Variants in CNTNAP2 observed in about 807,000 individuals in gnomAD.
The protein encoded by CNTNAP2 is contactin-associated protein-like 2.
In CNTNAP2, 98 loss-of-function variants were observed where a neutral mutation model predicts 155.2. The observed-to-expected ratio is 0.63, with a 90% CI of 0.54 to 0.75. The LOEUF (loss-of-function observed/expected upper bound fraction) is 0.75. CNTNAP2 is among the 30% of genes least tolerant of loss of function. The pLI, the probability that CNTNAP2 is intolerant of heterozygous loss-of-function variation, is 0.00. For missense variants in CNTNAP2, 1,727 were observed against 1,688.1 expected, an observed-to-expected ratio of 1.02 and a Z score of -0.40; for synonymous variants, 651 against 631.2, an observed-to-expected ratio of 1.03 and a Z score of -0.47.
intron 18 of CNTNAP2, among the ~76,000 whole-genome samples, chr7:148,172,803 G>T (rs953953289): frequency 3.3e-5 from 5 of 152,082 alleles, no homozygotes; most frequent in African/African-American, 1.2e-4. Context: ...GGGGAATCAG[G>T]CCTGACCCTC....
intron 13 of CNTNAP2, among the ~76,000 whole-genome samples, chr7:147,869,407 G>A (rs556631628): frequency 6.6e-6 from 1 of 152,230 alleles, no homozygotes; most frequent in East Asian, 1.9e-4. Flanking sequence ...TGGATCAAAG[G>A]GAAATCTCCA....
rs949382942 is a variant in CNTNAP2, at chr7:146,331,170, A to G, written c.97+214197A>G. Among the ~76,000 whole-genome samples, 32 of 151,876 alleles carry G rather than the reference A, an allele frequency of 2.1e-4. 1 individual carries two copies. The East Asian group carries it at 3.1e-3, about 15-fold the overall frequency. On this transcript the variant is annotated intron_variant, in intron 1 of 23. Transcript: ENST00000361727. ...ATACAAAAAATTAGCCGGGCGTGGT[A>G]GCGAGCGCCTGTAGTCCCAGCTACT...
intron 1 of CNTNAP2, among the ~76,000 whole-genome samples, chr7:146,641,859 G>A (rs1799714012): frequency 6.6e-6 from 1 of 152,156 alleles, no homozygotes; most frequent in Admixed American, 6.5e-5. Flanking sequence ...TTGTGGGTTT[G>A]TTGTTATTAT....
intron 1 of CNTNAP2, among the ~76,000 whole-genome samples, chr7:146,307,405 C>G (rs560665723): frequency 6.6e-6 from 1 of 152,188 alleles, no homozygotes; most frequent in East Asian, 1.9e-4. Flanking sequence ...CCATACTGCC[C>G]AAGGTAATTT....
intron 12 of CNTNAP2, among the ~76,000 whole-genome samples, chr7:147,589,098 C>T (rs1055494366): frequency 6.6e-6 from 1 of 152,104 alleles, no homozygotes; most frequent in Non-Finnish European, 1.5e-5. Flanking sequence ...AAGAAAAAAA[C>T]TCTACCACTT....
At chr7:146,730,269 A>AT (rs1186872184) in intron 1 of CNTNAP2, among the ~76,000 whole-genome samples, 1 of 152,192 alleles carries the variant, frequency 6.6e-6, no homozygotes, top group Non-Finnish European at 1.5e-5. Flanking sequence ...AATAAAAATT[A>AT]TTGGTTCTGA....
intron 18 of CNTNAP2, among the ~76,000 whole-genome samples, chr7:148,200,171 C>T (rs1359618376): frequency 2.0e-5 from 3 of 152,190 alleles, no homozygotes. Flanking sequence ...CATGTTTTAT[C>T]AGCCATGTGG....
chr7:148,258,050 G>A (rs964574981), intron 20 of CNTNAP2, among the ~76,000 whole-genome samples: 6 of 152,160 alleles, frequency 3.9e-5, no homozygotes, highest in African/African-American at 1.4e-4. Flanking sequence ...CCCTTTTCAT[G>A]TGGATCGTAA....
chr7:146,687,950 C>T (rs1800631148), intron 1 of CNTNAP2, among the ~76,000 whole-genome samples: 1 of 152,090 alleles, frequency 6.6e-6, no homozygotes, highest in Non-Finnish European at 1.5e-5. Flanking sequence ...GAAACACAGA[C>T]TTTTCCCAAG....
At chr7:147,277,219 G>T (rs1481308803) in intron 8 of CNTNAP2, among the ~76,000 whole-genome samples, 3 of 151,964 alleles carry the variant, frequency 2.0e-5, no homozygotes, top group Non-Finnish European at 4.4e-5. Context: ...GTTCATGCAT[G>T]AGTAGCTGAA....
chr7:148,318,277 G>GCTGTC (rs1554417274), intron 21 of CNTNAP2, among the ~76,000 whole-genome samples: 1 of 152,132 alleles, frequency 6.6e-6, no homozygotes. Context: ...AAGTCACCCG[G>GCTGTC]CTGTCGCCTG....
intron 13 of CNTNAP2, among the ~76,000 whole-genome samples, chr7:147,894,756 A>T (rs886481802): frequency 6.6e-6 from 1 of 151,996 alleles, no homozygotes; most frequent in African/African-American, 2.4e-5. Flanking sequence ...CGCCAGGATC[A>T]TATTTATTTA....
At chr7:147,903,531 C>A in intron 13 of CNTNAP2, 34 bp from the exon 14 acceptor site, 1 of 1,613,550 alleles carries the variant, frequency 6.2e-7, no homozygotes, top group South Asian at 1.1e-5. Flanking sequence ...GAACCCAGGT[C>A]TGTTTCTAAA....
Position 147,147,033 on chromosome 7 carries a change from G to C in CNTNAP2, c.1348+14524G>C, listed in dbSNP as rs554159263. ...TATCAGAGACTGGGTAATTCATAAA[G>C]AAAAGAGGTTTAATTGACTCACAGT... is the stretch of plus-strand genomic sequence containing the variant. On this transcript the variant is annotated intron_variant, in intron 8 of 23. Coordinates refer to ENST00000361727, the MANE Select transcript of CNTNAP2 (RefSeq NM_014141.6). Among the ~76,000 whole-genome samples the C allele has an allele frequency of 6.6e-5, 10 of 152,258 alleles. No homozygotes were observed. In the South Asian group the frequency reaches 2.1e-3, roughly 32 times the overall value.
intron 16 of CNTNAP2, among the ~76,000 whole-genome samples, chr7:148,137,990 A>G (rs963609998): frequency 2.6e-5 from 4 of 152,352 alleles, no homozygotes; most frequent in Admixed American, 1.3e-4. Context: ...TATCAAGGTG[A>G]CACTGAAAGG....
rs138922739 is a variant in CNTNAP2, at chr7:147,397,517, T to C, written c.1670+1737T>C. The stretch of plus-strand genomic sequence containing the variant: ...AAAAGGGCTAGGTAATATGTTGCTG[T>C]TTCTCTCTAAACATCGTGTTTCTAG... On this transcript the variant is annotated intron_variant, in intron 10 of 23. Coordinates refer to ENST00000361727, the MANE Select transcript of CNTNAP2 (RefSeq NM_014141.6). Among the ~76,000 whole-genome samples, 15 of 152,164 alleles carry C rather than the reference T, an allele frequency of 9.9e-5. No individual in the cohort carries two copies. In the East Asian group the frequency reaches 2.7e-3, roughly 27 times the overall value.
chr7:148,191,880 T>G (rs947557106), intron 18 of CNTNAP2, among the ~76,000 whole-genome samples: 1 of 151,946 alleles, frequency 6.6e-6, no homozygotes, highest in Non-Finnish European at 1.5e-5. Context: ...CTTCCAGTGG[T>G]GAGATAAGGG....
At chr7:146,947,551 G>GTATA (rs1797208383) in intron 3 of CNTNAP2, among the ~76,000 whole-genome samples, 3 of 59,038 alleles carry the variant, frequency 5.1e-5, no homozygotes, top group Non-Finnish European at 1.1e-4. Context: ...GTATGTGTGT[G>GTATA]TGTGTGTATA....
intron 2 of CNTNAP2, among the ~76,000 whole-genome samples, chr7:146,825,436 T>C (rs62481404): frequency 0.028 from 4,206 of 152,214 alleles, 71 homozygotes; most frequent in Non-Finnish European, 0.042. Flanking sequence ...AGGGAATCAC[T>C]CACTATGCAT....
Sources: allele counts gnomAD v4.1 joint callset (sites outside exome capture counted in the v4.1 genomes callset), GRCh38; gene constraint gnomAD v4.1.1; transcripts MANE v1.5; gene names NCBI Gene and HGNC (gene_info 2026-07-23, HGNC 2026-07-21).